TNS3: variants seen among roughly 807,000 people sequenced by gnomAD.
The protein encoded by TNS3 is tensin 3, also known as tensin-3.
Under a neutral mutation model 140.9 loss-of-function variants are expected in TNS3, and 45 were observed. The observed-to-expected ratio is 0.32, with a 90% CI of 0.25 to 0.41. The LOEUF (loss-of-function observed/expected upper bound fraction) is 0.41. Among genes scored for constraint, TNS3 ranks in the 10% least tolerant of loss-of-function variants. The pLI, the probability that TNS3 is intolerant of heterozygous loss-of-function variation, is 1.00. For missense variants in TNS3, 1,716 were observed against 1,906.7 expected, an observed-to-expected ratio of 0.90 and a Z score of 1.86; for synonymous variants, 815 against 788.4, an observed-to-expected ratio of 1.03 and a Z score of -0.56.
At chr7:47,413,851 C>T (rs1490979598) in intron 12 of TNS3, 86 bp downstream of exon 12, 23 of 1,528,162 alleles carry the variant, frequency 1.5e-5, no homozygotes, top group Non-Finnish European at 2.1e-5. Flanking sequence ...CACACTCTTC[C>T]TGCGGGACAG....
chr7:47,542,242 T>G (rs1401539963), intron 1 of TNS3, among the ~76,000 whole-genome samples: 1 of 152,198 alleles, frequency 6.6e-6, no homozygotes, highest in Non-Finnish European at 1.5e-5. Flanking sequence ...GACCATGACC[T>G]TGGATGGGAC....
chr7:47,407,592 A>G lies in TNS3; in HGVS notation c.723+4135T>C, dbSNP rs1793520159. ...GGTTTATTTAATAAACAGACTTGTTACAGGCTGAATGGTGTCCTTCCAAAA... is the reference window on the plus strand; with the variant it reads ...GGTTTATTTAATAAACAGACTTGTTGCAGGCTGAATGGTGTCCTTCCAAAA... On this transcript the variant is annotated intron_variant, in intron 13 of 30. Transcript: ENST00000311160. The surrounding 1 kb of genome is among the most constrained non-coding windows in gnomAD (Gnocchi z 4.1). Among the ~76,000 whole-genome samples, 1 of 152,256 alleles carries G rather than the reference A, an allele frequency of 6.6e-6. No individual in the cohort carries two copies.
intron 25 of TNS3, among the ~76,000 whole-genome samples, chr7:47,293,183 T>A (rs1785811529): frequency 6.6e-6 from 1 of 152,248 alleles, no homozygotes; most frequent in Non-Finnish European, 1.5e-5. Flanking sequence ...GTTTGTTGGA[T>A]CTTGAATCAG....
In TNS3 at chr7:47,477,428, A is replaced by G. The variant is rs143299137; in HGVS notation, c.-76+3675T>C. On this transcript the variant is annotated intron_variant, in intron 4 of 30. Transcript: ENST00000311160. ...GTGTGGGAGGGGCCGCCAGCACAGG[A>G]CAGAGCAGAAGAGCAGCCAGGTCTA... is the stretch of plus-strand genomic sequence containing the variant. Among the ~76,000 whole-genome samples the G allele has an allele frequency of 2.0e-5, 3 of 152,230 alleles. No homozygotes were observed. In the East Asian group the frequency reaches 5.8e-4, roughly 29 times the overall value.
At chr7:47,563,522 G>A (rs1347033274) in intron 1 of TNS3, among the ~76,000 whole-genome samples, 1 of 152,182 alleles carries the variant, frequency 6.6e-6, no homozygotes, top group Non-Finnish European at 1.5e-5. Context: ...CATTCCCTCT[G>A]GAGGACACCA....
rs3184329 is a variant in TNS3 at position 47,276,988 on chromosome 7, A to T, written c.*1088T>A. ...GGGGGATGCTGAGCTTAAATCCAGG[A>T]GTTTTCCATCCCTCCTGGACTCTCT... On this transcript the variant is annotated 3_prime_UTR_variant, in exon 31 of 31. Transcript: ENST00000311160. The T allele has an allele frequency of 6.6e-6, 1 of 152,020 alleles. No homozygotes were observed. Among genetic ancestry groups the T allele is most frequent in the Non-Finnish European group, 1.5e-5 (1 of 68,016 alleles). 9.4% of individuals were successfully genotyped at this position (152,020 alleles called of 1,614,324 possible). A position where few individuals can be genotyped will look rare whatever the true frequency, so the allele number is the denominator to read the frequency against.
chr7:47,531,278 GAATAA>G (rs1236456360), intron 1 of TNS3, among the ~76,000 whole-genome samples: 3 of 151,784 alleles, frequency 2.0e-5, no homozygotes, highest in Non-Finnish European at 4.4e-5. Context: ...AAACAAAATA[GAATAA>G]AACAAAATAC....
chr7:47,495,648 C>T (rs1797978969), intron 3 of TNS3, among the ~76,000 whole-genome samples: 1 of 152,182 alleles, frequency 6.6e-6, no homozygotes, highest in Non-Finnish European at 1.5e-5. Flanking sequence ...ACACTCAGAG[C>T]CAGAATGCAG....
chr7:47,522,619 C>A (rs1297162932), intron 2 of TNS3, among the ~76,000 whole-genome samples: 1 of 152,170 alleles, frequency 6.6e-6, no homozygotes, highest in Non-Finnish European at 1.5e-5. Context: ...AACATGGAAT[C>A]CTGTATGTTT....
intron 5 of TNS3, 129 bp downstream of exon 5, chr7:47,441,874 G>C: frequency 3.0e-6 from 2 of 674,428 alleles, no homozygotes; most frequent in Non-Finnish European, 4.6e-6. Context: ...CCTTTGATTG[G>C]CAATGTTTAC....
chr7:47,292,004 A>G lies in TNS3; in HGVS notation c.3879T>C (p.Ser1293=), dbSNP rs781341342. ...RDPLEEIAES[S]PQTAANSAAE... ...CTGCTGAATTGGCTGCCGTCTGGGG[A>G]GAACTTTCTGCTATTTCCTCCAATG... is the stretch of plus-strand genomic sequence containing the variant. The change falls in exon 27 of 31, where the codon TCT becomes TCC. Residue 1293 remains serine (S), a synonymous_variant. Coordinates refer to ENST00000311160, the MANE Select transcript of TNS3 (RefSeq NM_022748.12). 5.6e-6 allele frequency: 9 copies of G among 1,614,178 alleles called. No individual in the cohort carries two copies. The South Asian group carries it at 8.8e-5, about 16-fold the overall frequency.
intron 3 of TNS3, among the ~76,000 whole-genome samples, chr7:47,501,613 G>A (rs529912819): frequency 6.6e-6 from 1 of 152,126 alleles, no homozygotes; most frequent in African/African-American, 2.4e-5. Context: ...GAGAGCTCAG[G>A]GTCAGCAAAG....
At chr7:47,562,385 C>CTTTTTTTTTTTTTTT (rs11348830) in intron 1 of TNS3, among the ~76,000 whole-genome samples, 1 of 143,942 alleles carries the variant, frequency 6.9e-6, no homozygotes. Context: ...CATCTGCTGC[C>CTTTTTTTTTTTTTTT]TTTTTTTTTT....
chr7:47,527,651 A>G (rs1455055014), intron 2 of TNS3, among the ~76,000 whole-genome samples: 1 of 151,778 alleles, frequency 6.6e-6, no homozygotes, highest in Non-Finnish European at 1.5e-5. Flanking sequence ...AATGGCTCAA[A>G]CCTGTAATCC....
At chr7:47,308,197 T>C (rs978684759) in intron 20 of TNS3, among the ~76,000 whole-genome samples, 1 of 152,202 alleles carries the variant, frequency 6.6e-6, no homozygotes, top group Non-Finnish European at 1.5e-5. Flanking sequence ...CTACCATTTG[T>C]TGAGACTATC....
intron 21 of TNS3, 93 bp from the exon 22 acceptor site, chr7:47,303,677 G>A (rs779426158): frequency 9.6e-5 from 137 of 1,427,064 alleles, no homozygotes; most frequent in East Asian, 1.7e-4. Context: ...AGACAGGGAT[G>A]GGGAAGTGGG....
chr7:47,555,534 C>T (rs902617580), intron 1 of TNS3, among the ~76,000 whole-genome samples: 3 of 152,122 alleles, frequency 2.0e-5, no homozygotes, highest in East Asian at 3.8e-4. Context: ...AACACCATCA[C>T]ATGCTACAGA....
chr7:47,390,267 C>A (rs571682349), intron 16 of TNS3, among the ~76,000 whole-genome samples: 1 of 152,236 alleles, frequency 6.6e-6, no homozygotes, highest in Non-Finnish European at 1.5e-5. Context: ...CCAACAATGT[C>A]TGGGGAGGAA....
intron 1 of TNS3, among the ~76,000 whole-genome samples, chr7:47,560,325 C>G (rs1042080094): frequency 6.6e-5 from 10 of 152,072 alleles, no homozygotes; most frequent in Non-Finnish European, 1.3e-4. Context: ...CAGGCCCTCA[C>G]CAGACACCGA....
Sources: allele counts gnomAD v4.1 joint callset (sites outside exome capture counted in the v4.1 genomes callset), GRCh38; gene constraint gnomAD v4.1.1; non-coding constraint Gnocchi (gnomAD v3.1); transcripts MANE v1.5; gene names NCBI Gene and HGNC (gene_info 2026-07-23, HGNC 2026-07-21).